The following OR8D1 variants were observed in gnomAD, a reference collection of about 807,000 sequenced individuals.
OR8D1 encodes olfactory receptor family 8 subfamily D member 1.
For synonymous variants in OR8D1, 143 were observed against 147.0 expected, an observed-to-expected ratio of 0.97 and a Z score of 0.20; for missense variants, 384 against 366.8, an observed-to-expected ratio of 1.05 and a Z score of -0.38.
rs1033017705 is a variant in OR8D1 at position 124,306,433 on chromosome 11, T to C, written c.*3407A>G. 6.7e-6 allele frequency: 1 copy of C among 149,560 alleles called. No individual in the cohort carries two copies. Among genetic ancestry groups the C allele is most frequent in the Non-Finnish European group, 1.5e-5 (1 of 67,454 alleles). 9.3% of individuals were successfully genotyped at this position (149,560 alleles called of 1,614,324 possible). On this transcript the variant is annotated 3_prime_UTR_variant, in exon 3 of 3. Transcript: ENST00000641015. ...ATTCATATAATATTCACAGTGAAAC[T>C]TCTGCATACTTTTCTATGGGATATT...
rs1056313477 is a variant in OR8D1, at chr11:124,307,905, G to T, written c.*1935C>A. On this transcript the variant is annotated 3_prime_UTR_variant, in exon 3 of 3. Transcript: ENST00000641015. Reference sequence around the variant, plus strand: ...TAAATTGGAGCTTTCCCTTTAAAGGGGTGGTAGATTTCACTCATGAACCAA... The same window carrying T: ...TAAATTGGAGCTTTCCCTTTAAAGGTGTGGTAGATTTCACTCATGAACCAA... The T allele has an allele frequency of 6.6e-6, 1 of 151,734 alleles. No homozygotes were observed. Among genetic ancestry groups the T allele is most frequent in the African/African-American group, 2.4e-5 (1 of 41,312 alleles). The allele number at this position is 151,734 out of a possible 1,614,324, so 9.4% of individuals were successfully genotyped here. A position where few individuals can be genotyped will look rare whatever the true frequency, so the allele number is the denominator to read the frequency against.
At position 124,306,135 on chromosome 11, in the gene OR8D1, A is replaced by G. The variant is rs1862367112; in HGVS notation, c.*3705T>C. 2 of 151,754 alleles carry G rather than the reference A, an allele frequency of 1.3e-5. No homozygotes were observed. The highest frequency in any genetic ancestry group is 2.9e-5 in the Non-Finnish European group (2 of 67,846). The allele number at this position is 151,754 out of a possible 1,614,324, so 9.4% of individuals were successfully genotyped here. On this transcript the variant is annotated 3_prime_UTR_variant, in exon 3 of 3. Transcript: ENST00000641015. ...TGTCACTTTTATTTCTTAAGTATGC[A>G]TGCCTAGAAATTGAATAACGTGGTA...
rs34920915 is a variant in OR8D1, at chr11:124,313,196, G to GGAAAGAAA, written c.-122+517_-122+524dup. ...CTCGAAAGGAAAGAAAAAGAAGGAA[G>GGAAAGAAA]GAAAGAAAGAAAGAAAGAAAAGAAA... On this transcript the variant is annotated intron_variant, in intron 1 of 2. Transcript: ENST00000641015. 5.6e-4 allele frequency among the ~76,000 whole-genome samples: 77 copies of GGAAAGAAA among 137,914 alleles called. No individual in the cohort carries two copies. The Middle Eastern group carries it at 0.012, about 21-fold the overall frequency. 90.5% of individuals were successfully genotyped at this position (137,914 alleles called of 152,430 possible).
Position 124,310,290 on chromosome 11 carries a change from A to T in OR8D1, c.477T>A (p.His159Gln), listed in dbSNP as rs778940111. ...AGGACAGTTTCATCATGGCACTTGT[A>T]TGAGTCAAGGCAGAGAGAAAGCCCA... is the stretch of plus-strand genomic sequence containing the variant. ...FFLGFLSALT[H>Q]TSAMMKLSFC... The change falls in exon 3 of 3, where the codon CAT becomes CAA. Residue 159 changes from histidine (H) to glutamine (Q), a missense_variant. By Grantham distance (24) the His-to-Gln change is conservative. Coordinates refer to ENST00000641015, the MANE Select transcript of OR8D1 (RefSeq NM_001002917.2). The T allele has an allele frequency of 5.6e-6, 9 of 1,613,768 alleles. No individual in the cohort carries two copies. Among genetic ancestry groups the T allele is most frequent in the Non-Finnish European group, 7.6e-6 (9 of 1,179,938 alleles).
Position 124,307,821 on chromosome 11 carries a change from G to A in OR8D1, c.*2019C>T, listed in dbSNP as rs1287425467. On this transcript the variant is annotated 3_prime_UTR_variant, in exon 3 of 3. Transcript: ENST00000641015. ...GTTAACTCTCACCAAATGGTCTCAAGCTCTCCCTGGATTTGTTAAATGTAT... is the reference window on the plus strand; with the variant it reads ...GTTAACTCTCACCAAATGGTCTCAAACTCTCCCTGGATTTGTTAAATGTAT... The A allele has an allele frequency of 1.3e-5, 2 of 152,054 alleles. No individual in the cohort carries two copies. Among genetic ancestry groups the A allele is most frequent in the South Asian group, 2.1e-4 (1 of 4,826 alleles). 9.4% of individuals were successfully genotyped at this position (152,054 alleles called of 1,614,324 possible).
In OR8D1 at chr11:124,310,534, G is replaced by A. The variant is rs753650747; in HGVS notation, c.233C>T (p.Thr78Ile). 5 of 1,613,782 alleles carry A rather than the reference G, an allele frequency of 3.1e-6. No individual in the cohort carries two copies. The highest frequency in any genetic ancestry group is 1.3e-5 in the African/African-American group (1 of 75,052). The change falls in exon 3 of 3, where the codon ACT (threonine) becomes ATT (isoleucine). Residue 78 changes from threonine to isoleucine, a missense_variant. Physicochemically the swap from Thr to Ile is moderately conservative, Grantham distance 89. Coordinates refer to ENST00000641015, the MANE Select transcript of OR8D1 (RefSeq NM_001002917.2). ...TAGGAAGTTCACCAGCATTTTGGGAGTAATGACAGAGGAATAGCAGAAATC... is the reference window on the plus strand; with the variant it reads ...TAGGAAGTTCACCAGCATTTTGGGAATAATGACAGAGGAATAGCAGAAATC... ...FVDFCYSSVI[T>I]PKMLVNFLGK...
In OR8D1 at chr11:124,305,562, G is replaced by A. The variant is rs955011643; in HGVS notation, c.*4278C>T. 6 of 151,716 alleles carry A rather than the reference G, an allele frequency of 4.0e-5. No homozygotes were observed. The highest frequency in any genetic ancestry group is 1.5e-4 in the African/African-American group (6 of 41,360). 9.4% of individuals were successfully genotyped at this position (151,716 alleles called of 1,614,324 possible). A position where few individuals can be genotyped will look rare whatever the true frequency, so the allele number is the denominator to read the frequency against. On this transcript the variant is annotated 3_prime_UTR_variant, in exon 3 of 3. Transcript: ENST00000641015. ...ATTGACTCGGGAAAAGCAAAAGGGG[G>A]CCTCCAGGAGTGATGCTAATATTCT...
rs1862389813 is a variant in OR8D1 at position 124,308,884 on chromosome 11, CATACA to C, written c.*951_*955del. On this transcript the variant is annotated 3_prime_UTR_variant, in exon 3 of 3. Transcript: ENST00000641015. The stretch of plus-strand genomic sequence containing the variant: ...GAGGCATCTTATTACTACCCAGCAA[CATACA>C]AAAGCTAAAAACAAAAACAGAAGGA... The C allele has an allele frequency of 1.3e-5, 2 of 152,046 alleles. No individual in the cohort carries two copies. The highest frequency in any genetic ancestry group is 6.6e-5 in the Admixed American group (1 of 15,246). 9.4% of individuals were successfully genotyped at this position (152,046 alleles called of 1,614,324 possible).
chr11:124,312,190 A>G (rs1312655531), intron 1 of OR8D1, among the ~76,000 whole-genome samples: 1 of 152,236 alleles, frequency 6.6e-6, no homozygotes, highest in African/African-American at 2.4e-5. Flanking sequence ...ACATAACATC[A>G]GGAGATGAAA....
intron 2 of OR8D1, among the ~76,000 whole-genome samples, chr11:124,311,216 G>A (rs1360496685): frequency 2.0e-5 from 3 of 152,138 alleles, no homozygotes; most frequent in Non-Finnish European, 4.4e-5. Context: ...CTCAGCCTCG[G>A]AGAATTGAAA....
At position 124,309,688 on chromosome 11, in the gene OR8D1, T is replaced by C. The variant is rs1207934520; in HGVS notation, c.*152A>G. The C allele has an allele frequency of 2.4e-6, 1 of 424,338 alleles. No individual in the cohort carries two copies. The highest frequency in any genetic ancestry group is 4.1e-6 in the Non-Finnish European group (1 of 244,518). The allele number at this position is 424,338 out of a possible 1,614,324, so 26.3% of individuals were successfully genotyped here. ...TGCTTTACACAATTCTTTTATTTTG[T>C]TGAGAAAGTTGAATCAATCATAGAT... On this transcript the variant is annotated 3_prime_UTR_variant, in exon 3 of 3. Coordinates refer to ENST00000641015, the MANE Select transcript of OR8D1 (RefSeq NM_001002917.2).
rs947162956 is a variant in OR8D1, at chr11:124,308,335, T to C, written c.*1505A>G. ...AGCTGCTGAAAAAGAGTAAGTACTA[T>C]GTGTCCCCCTCAAAAAGATCTTAAG... On this transcript the variant is annotated 3_prime_UTR_variant, in exon 3 of 3. Coordinates refer to ENST00000641015, the MANE Select transcript of OR8D1 (RefSeq NM_001002917.2). The C allele has an allele frequency of 6.6e-6, 1 of 152,104 alleles. No homozygotes were observed. Among genetic ancestry groups the C allele is most frequent in the East Asian group, 1.9e-4 (1 of 5,184 alleles). 9.4% of individuals were successfully genotyped at this position (152,104 alleles called of 1,614,324 possible). A position where few individuals can be genotyped will look rare whatever the true frequency, so the allele number is the denominator to read the frequency against.
Position 124,303,735 on chromosome 11 carries a change from T to A in OR8D1, c.*6105A>T, listed in dbSNP as rs908922115. 5 of 151,970 alleles carry A rather than the reference T, an allele frequency of 3.3e-5. No individual in the cohort carries two copies. The highest frequency in any genetic ancestry group is 5.9e-5 in the Non-Finnish European group (4 of 67,954). The allele number at this position is 151,970 out of a possible 1,614,324, so 9.4% of individuals were successfully genotyped here. On this transcript the variant is annotated 3_prime_UTR_variant, in exon 3 of 3. Coordinates refer to ENST00000641015, the MANE Select transcript of OR8D1 (RefSeq NM_001002917.2). ...AGTCATAAAGTCCTCTGTTTTCTTA[T>A]TTTTATATTATAATCATTTCAAAAT...
chr11:124,309,896 T>A lies in OR8D1; in HGVS notation c.871A>T (p.Ser291Cys). Residue 291 changes from serine to cysteine, a missense_variant, in exon 3 of 3, where the codon AGT becomes TGT. Physicochemically the swap from Ser to Cys is moderately radical, Grantham distance 112. Coordinates refer to ENST00000641015, the MANE Select transcript of OR8D1 (RefSeq NM_001002917.2). ...VIPMLNPLIY[S>C]LRNKDVKKAL... ...TTCTTCACATCCTTATTCCTCAGACTGTATATTAAAGGGTTCAGCATGGGG... is the reference window on the plus strand; with the variant it reads ...TTCTTCACATCCTTATTCCTCAGACAGTATATTAAAGGGTTCAGCATGGGG... The A allele has an allele frequency of 6.6e-7, 1 of 1,504,852 alleles. No homozygotes were observed. The highest frequency in any genetic ancestry group is 8.9e-7 in the Non-Finnish European group (1 of 1,127,062). The allele number at this position is 1,504,852 out of a possible 1,614,324, so 93.2% of individuals were successfully genotyped here. A position where few individuals can be genotyped will look rare whatever the true frequency, so the allele number is the denominator to read the frequency against.
intron 1 of OR8D1, among the ~76,000 whole-genome samples, chr11:124,313,276 G>C (rs1280709286): frequency 6.8e-6 from 1 of 146,310 alleles, no homozygotes; most frequent in Admixed American, 7.0e-5. Flanking sequence ...GAAGGAGAGA[G>C]AGAGAGAAAG....
chr11:124,310,052 C>G lies in OR8D1; in HGVS notation c.715G>C (p.Gly239Arg). Reference protein sequence around the residue: ...RSSEGRSKAFGTCSSHLMAVV... With the variant: ...RSSEGRSKAFRTCSSHLMAVV... ...GCCATGAGATGAGAGCTGCATGTTC[C>G]AAAAGCTTTGGACCGGCCCTCTGAG... The change falls in exon 3 of 3, where the codon GGA becomes CGA. Residue 239 changes from glycine (G) to arginine (R), a missense_variant. Transcript: ENST00000641015. The G allele has an allele frequency of 1.2e-6, 2 of 1,612,856 alleles. No individual in the cohort carries two copies. The highest frequency in any genetic ancestry group is 1.7e-6 in the Non-Finnish European group (2 of 1,179,402).
In OR8D1 at chr11:124,310,793, A is replaced by C. The variant is rs372329348; in HGVS notation, c.-16-11T>G. ...CTTCTTTAGGCATTTCTGTGAAAAT[A>C]GAAAGTATGAATTACCTTAACATGG... is the stretch of plus-strand genomic sequence containing the variant. On this transcript the variant is annotated splice_polypyrimidine_tract_variant and intron_variant, in intron 2 of 2. Transcript: ENST00000641015. The C allele has an allele frequency of 4.0e-4, 621 of 1,565,118 alleles. No homozygotes were observed. The highest frequency in any genetic ancestry group is 3.8e-4 in the Non-Finnish European group (433 of 1,147,422).
In OR8D1 at chr11:124,310,314, C is replaced by A. The variant is rs770027287; in HGVS notation, c.453G>T (p.Leu151Phe). 1 of 1,613,544 alleles carries A rather than the reference C, an allele frequency of 6.2e-7. No homozygotes were observed. The highest frequency in any genetic ancestry group is 8.5e-7 in the Non-Finnish European group (1 of 1,179,912). The change falls in exon 3 of 3, where the codon TTG (leucine) becomes TTT (phenylalanine). Residue 151 changes from leucine to phenylalanine, a missense_variant. Coordinates refer to ENST00000641015, the MANE Select transcript of OR8D1 (RefSeq NM_001002917.2). ...CSLLVLAAFF[L>F]GFLSALTHTS... ...TATGAGTCAAGGCAGAGAGAAAGCC[C>A]AAGAAGAAGGCAGCCAGCACTAGCA...
chr11:124,304,045 T>G lies in OR8D1; in HGVS notation c.*5795A>C, dbSNP rs1158721031. ...AAGACCACATTCATTCATTACAATA[T>G]AATAGTTCAGTAGTTACAATGGAAT... is the stretch of plus-strand genomic sequence containing the variant. On this transcript the variant is annotated 3_prime_UTR_variant, in exon 3 of 3. Transcript: ENST00000641015. The G allele has an allele frequency of 1.3e-5, 2 of 152,106 alleles. No homozygotes were observed. Among genetic ancestry groups the G allele is most frequent in the Admixed American group, 1.3e-4 (2 of 15,244 alleles). The allele number at this position is 152,106 out of a possible 1,614,324, so 9.4% of individuals were successfully genotyped here.
Sources: allele counts gnomAD v4.1 joint callset (sites outside exome capture counted in the v4.1 genomes callset), GRCh38; gene constraint gnomAD v4.1.1; transcripts MANE v1.5; gene names NCBI Gene and HGNC (gene_info 2026-07-23, HGNC 2026-07-21).